Variants in STK33 observed in about 807,000 individuals in gnomAD.
The protein encoded by STK33 is serine/threonine kinase 33, also known as serine/threonine-protein kinase 33.
In STK33, 52 loss-of-function variants were observed where a neutral mutation model predicts 58.0. The ratio of observed to expected loss-of-function variants is 0.90; its 90% CI spans 0.72 to 1.13. STK33 has a LOEUF of 1.13. Ranked by LOEUF, STK33 falls within the 50% of genes most tolerant of loss-of-function variation. The pLI is 0.00. For synonymous variants in STK33, 215 were observed against 200.1 expected (o/e 1.07, Z -0.63); for missense variants, 630 against 604.2 (o/e 1.04, Z -0.45).
At chr11:8,386,869 T>C (rs941245289), downstream of STK33, among the ~76,000 whole-genome samples, 3 of 152,184 alleles carry the variant, frequency 2.0e-5, no homozygotes, top group African/African-American at 7.2e-5. Context: ...AACATGATAG[T>C]GATTCTAACC....
At chr11:8,571,901 A>ATTTTT (rs1404446521) in intron 1 of STK33, among the ~76,000 whole-genome samples, 685 of 148,132 alleles carry the variant, frequency 4.6e-3, no homozygotes, top group African/African-American at 0.016. Context: ...AATTTTAAAA[A>ATTTTT]AATTTAAATT....
At chr11:8,382,103 G>T in the STK33 span, among the ~76,000 whole-genome samples, 1 of 152,102 alleles carries the variant, frequency 6.6e-6, no homozygotes, top group Non-Finnish European at 1.5e-5. Flanking sequence ...GCACACCCTT[G>T]CCACCCACAT....
intron 1 of STK33, among the ~76,000 whole-genome samples, chr11:8,507,770 G>A (rs1366971964): frequency 3.3e-5 from 5 of 152,150 alleles, no homozygotes; most frequent in Non-Finnish European, 5.9e-5. Context: ...AGCATTTAAT[G>A]AGCACCTATA....
the STK33 span, among the ~76,000 whole-genome samples, chr11:8,372,960 A>G: frequency 6.6e-6 from 1 of 152,182 alleles, no homozygotes; most frequent in Non-Finnish European, 1.5e-5. Context: ...GCTTGGGAAA[A>G]GACCCCATGC....
chr11:8,392,991 T>C (rs1016844523), intron 15 of STK33, among the ~76,000 whole-genome samples: 1 of 152,262 alleles, frequency 6.6e-6, no homozygotes, highest in Non-Finnish European at 1.5e-5. Context: ...GTAACATTTG[T>C]GCAGGGAAGT....
chr11:8,413,543 T>G lies in STK33; in HGVS notation c.1296A>C (p.Gly432=). The change falls in exon 15 of 16, where the codon GGA becomes GGC. Residue 432 remains glycine, a synonymous_variant. Coordinates refer to ENST00000687296, the MANE Select transcript of STK33 (RefSeq NM_001352389.2). ...AAGTGTAATTGGCATCAGGGACATT[T>G]CCCCAGGGTTGGTAACTTTTCAACT... is the stretch of plus-strand genomic sequence containing the variant. ...EEKLKSYQPW[G]NVPDANYTSD... 4.3e-6 allele frequency: 7 copies of G among 1,614,062 alleles called. No homozygotes were observed. The highest frequency in any genetic ancestry group is 5.9e-6 in the Non-Finnish European group (7 of 1,179,954).
intron 1 of STK33, among the ~76,000 whole-genome samples, chr11:8,571,000 T>C (rs765071550): frequency 3.3e-5 from 5 of 152,150 alleles, no homozygotes; most frequent in Non-Finnish European, 5.9e-5. Flanking sequence ...AAATACATGA[T>C]ACAATGGTTT....
At chr11:8,581,782 C>G (rs553454201) in intron 1 of STK33, among the ~76,000 whole-genome samples, 1 of 152,228 alleles carries the variant, frequency 6.6e-6, no homozygotes, top group Non-Finnish European at 1.5e-5. Context: ...TTTCACGGAA[C>G]GTGTATTTTT....
At chr11:8,512,453 T>TA (rs1340785751) in intron 1 of STK33, among the ~76,000 whole-genome samples, 1 of 151,920 alleles carries the variant, frequency 6.6e-6, no homozygotes, top group Non-Finnish European at 1.5e-5. Flanking sequence ...TCCAGCAAGG[T>TA]AAAAAATGAA....
intron 1 of STK33, among the ~76,000 whole-genome samples, chr11:8,512,779 A>G (rs1952442739): frequency 6.6e-6 from 1 of 152,150 alleles, no homozygotes; most frequent in Non-Finnish European, 1.5e-5. Context: ...TGACTTTGCT[A>G]GGGAAGTGAC....
chr11:8,579,637 G>GA (rs1043162448), intron 1 of STK33, among the ~76,000 whole-genome samples: 4 of 151,708 alleles, frequency 2.6e-5, no homozygotes, highest in East Asian at 3.9e-4. Context: ...CTTTACAAGA[G>GA]AAAAAAAAGG....
intron 6 of STK33, among the ~76,000 whole-genome samples, chr11:8,469,575 T>C (rs1948574914): frequency 6.6e-6 from 1 of 152,244 alleles, no homozygotes; most frequent in Admixed American, 6.5e-5. Flanking sequence ...CTCTCATGAA[T>C]CACAAATGTT....
chr11:8,487,583 A>T (rs576844290), intron 1 of STK33, among the ~76,000 whole-genome samples: 1 of 152,158 alleles, frequency 6.6e-6, no homozygotes, highest in Admixed American at 6.5e-5. Context: ...CTTCTAAAGG[A>T]TAATCAGAGG....
At chr11:8,470,324 C>T (rs1171830394) in intron 6 of STK33, among the ~76,000 whole-genome samples, 1 of 148,278 alleles carries the variant, frequency 6.7e-6, no homozygotes, top group Non-Finnish European at 1.5e-5. Flanking sequence ...TAGCTTCAAG[C>T]TTTTCTCCTA....
chr11:8,377,273 T>C, the STK33 span, among the ~76,000 whole-genome samples: 1 of 152,226 alleles, frequency 6.6e-6, no homozygotes, highest in South Asian at 2.1e-4. Context: ...GACCCCTTAA[T>C]CTTCACCTTT....
chr11:8,383,971 A>T, the STK33 span, among the ~76,000 whole-genome samples: 4 of 152,060 alleles, frequency 2.6e-5, no homozygotes, highest in Admixed American at 2.6e-4. Context: ...CCAACCCTTA[A>T]ATCCATCTCA....
chr11:8,435,894 C>T (rs894446985), intron 13 of STK33, 133 bp downstream of exon 13: 28 of 506,436 alleles, frequency 5.5e-5, no homozygotes, highest in African/African-American at 5.2e-4. Context: ...ATCGCTATTT[C>T]CACAAGTAAA....
At position 8,413,735 on chromosome 11, in the gene STK33, G is replaced by A. The variant is rs569005061; in HGVS notation, c.1147-43C>T. 1.6e-5 allele frequency: 24 copies of A among 1,537,142 alleles called. No homozygotes were observed. The East Asian group carries it at 5.2e-4, about 33-fold the overall frequency. ...TTTTTGGTGTTATAAACAACTTAGA[G>A]AATTGAGACGATACCTACATCATTT... On this transcript the variant is annotated intron_variant, in intron 14 of 15. Transcript: ENST00000687296.
At chr11:8,403,647 G>C (rs1403471353) in intron 15 of STK33, among the ~76,000 whole-genome samples, 1 of 152,176 alleles carries the variant, frequency 6.6e-6, no homozygotes, top group Non-Finnish European at 1.5e-5. Flanking sequence ...CAGAATGATG[G>C]AAAAGATGAC....
Sources: gnomAD v4.1 joint callset for allele counts (sites outside exome capture counted in the v4.1 genomes callset) on GRCh38, gnomAD v4.1.1 for gene constraint, MANE v1.5 for transcripts, NCBI Gene and HGNC (gene_info 2026-07-23, HGNC 2026-07-21) for gene names.